CCBE1: variants seen among roughly 807,000 people sequenced by gnomAD.
The protein encoded by CCBE1 is collagen and calcium binding EGF domains 1, also known as collagen and calcium-binding EGF domain-containing protein 1.
In CCBE1, 37 loss-of-function variants were observed where a neutral mutation model predicts 50.0. That is an observed-to-expected ratio of 0.74 (90% confidence interval 0.57 to 0.97). CCBE1 has a LOEUF of 0.97. Among genes scored for constraint, CCBE1 ranks in the 50% least tolerant of loss-of-function variants. CCBE1 has a pLI of 0.00. For synonymous variants in CCBE1, 234 were observed against 203.7 expected (o/e 1.15, Z -1.27); for missense variants, 538 against 523.8 (o/e 1.03, Z -0.26).
chr18:59,452,694 T>C (rs1042899895), intron 6 of CCBE1, among the ~76,000 whole-genome samples: 6 of 152,196 alleles, frequency 3.9e-5, no homozygotes, highest in African/African-American at 1.4e-4. Context: ...CGGACGGTTA[T>C]TGCACCTCTC....
At chr18:59,558,076 T>A (rs2052680242) in intron 2 of CCBE1, among the ~76,000 whole-genome samples, 1 of 152,232 alleles carries the variant, frequency 6.6e-6, no homozygotes, top group Admixed American at 6.5e-5. Flanking sequence ...CTCACGTGTA[T>A]CTTATGTCTC....
intron 1 of CCBE1, among the ~76,000 whole-genome samples, chr18:59,696,984 G>A (rs972822400): frequency 6.6e-6 from 1 of 152,214 alleles, no homozygotes; most frequent in African/African-American, 2.4e-5. Flanking sequence ...CAGGAACGCG[G>A]GGCGAAGGGT....
At chr18:59,599,603 T>C (rs987173129) in intron 2 of CCBE1, among the ~76,000 whole-genome samples, 2 of 152,212 alleles carry the variant, frequency 1.3e-5, no homozygotes, top group African/African-American at 4.8e-5. Context: ...TATGGTACAA[T>C]GGCTAAGAGT....
At chr18:59,636,540 A>G (rs1309026242) in intron 2 of CCBE1, among the ~76,000 whole-genome samples, 2 of 152,250 alleles carry the variant, frequency 1.3e-5, no homozygotes, top group South Asian at 2.1e-4. Flanking sequence ...CTTACAGTCA[A>G]AAGTCACAAA....
chr18:59,655,612 A>T (rs536559699), intron 2 of CCBE1, among the ~76,000 whole-genome samples: 42 of 152,344 alleles, frequency 2.8e-4, no homozygotes, highest in Admixed American at 2.0e-3. Context: ...CATGTAAGGA[A>T]GTAGGTGTGG....
intron 2 of CCBE1, among the ~76,000 whole-genome samples, chr18:59,531,381 G>T (rs1319570760): frequency 6.6e-6 from 1 of 151,684 alleles, no homozygotes; most frequent in Non-Finnish European, 1.5e-5. Context: ...CAGTCTTATG[G>T]GCTATCAAAG....
intron 3 of CCBE1, among the ~76,000 whole-genome samples, chr18:59,471,139 G>A (rs1912014310): frequency 6.6e-6 from 1 of 152,216 alleles, no homozygotes; most frequent in South Asian, 2.1e-4. Context: ...CAGCAGCTGG[G>A]AAGGGGAAGA....
At chr18:59,559,825 C>T (rs1234685784) in intron 2 of CCBE1, among the ~76,000 whole-genome samples, 2 of 152,344 alleles carry the variant, frequency 1.3e-5, no homozygotes, top group African/African-American at 2.4e-5. Flanking sequence ...CATGTCTCTC[C>T]CATGCCTGAA....
chr18:59,456,249 G>A (rs1016578603), intron 5 of CCBE1, among the ~76,000 whole-genome samples: 1 of 152,196 alleles, frequency 6.6e-6, no homozygotes, highest in Non-Finnish European at 1.5e-5. Flanking sequence ...CTCACGTAAT[G>A]GATGCTCGAA....
intron 2 of CCBE1, among the ~76,000 whole-genome samples, chr18:59,484,299 G>A (rs1353213186): frequency 6.6e-6 from 1 of 152,176 alleles, no homozygotes; most frequent in African/African-American, 2.4e-5. Flanking sequence ...TTGGATACAA[G>A]GGGGAAAAAC....
At position 59,439,676 on chromosome 18, in the gene CCBE1, C is replaced by T; in HGVS notation, c.915+1G>A. 6.2e-7 allele frequency: 1 copy of T among 1,614,230 alleles called. No individual in the cohort carries two copies. ...AAGTGGATCTCTGATAAGATACTGA[C>T]CACAGGGCCCCTCCGGCCTTGCTTA... On this transcript the variant is annotated splice_donor_variant, in intron 8 of 10. Transcript: ENST00000439986. LOFTEE classifies it high-confidence loss of function.
At position 59,435,757 on chromosome 18, in the gene CCBE1, A is replaced by G; in HGVS notation, c.*151T>C. 1.3e-6 allele frequency: 1 copy of G among 775,214 alleles called. No homozygotes were observed. Among genetic ancestry groups the G allele is most frequent in the East Asian group, 2.4e-5 (1 of 41,112 alleles). The allele number at this position is 775,214 out of a possible 1,614,324, so 48.0% of individuals were successfully genotyped here. A position where few individuals can be genotyped will look rare whatever the true frequency, so the allele number is the denominator to read the frequency against. On this transcript the variant is annotated 3_prime_UTR_variant, in exon 11 of 11. Transcript: ENST00000439986. ...GAGGGGACTCTGAAAATAGCATCGT[A>G]TTTGGAAGAAGAGGAGTGGAGAGAC...
At chr18:59,480,506 T>G (rs999016533) in intron 2 of CCBE1, among the ~76,000 whole-genome samples, 2 of 152,158 alleles carry the variant, frequency 1.3e-5, no homozygotes, top group East Asian at 3.8e-4. Flanking sequence ...TAACTCCGAC[T>G]TCAAGATACT....
intron 2 of CCBE1, among the ~76,000 whole-genome samples, chr18:59,536,024 G>C (rs184621212): frequency 1.4e-4 from 22 of 152,192 alleles, no homozygotes; most frequent in African/African-American, 4.6e-4. Flanking sequence ...AGAAACAAAG[G>C]CTTCAATTTT....
intron 7 of CCBE1, among the ~76,000 whole-genome samples, chr18:59,440,031 T>TAC (rs1328238868): frequency 6.6e-6 from 1 of 152,198 alleles, no homozygotes; most frequent in Non-Finnish European, 1.5e-5. Context: ...CTGCCAGTCA[T>TAC]ACATCCACTC....
At chr18:59,626,416 G>A (rs944839420) in intron 2 of CCBE1, among the ~76,000 whole-genome samples, 1 of 152,200 alleles carries the variant, frequency 6.6e-6, no homozygotes, top group Non-Finnish European at 1.5e-5. Flanking sequence ...TTCAGGGGCA[G>A]GAGGGTGAGG....
chr18:59,543,466 T>C (rs1005591655), intron 2 of CCBE1, among the ~76,000 whole-genome samples: 7 of 152,194 alleles, frequency 4.6e-5, no homozygotes, highest in Admixed American at 4.6e-4. Context: ...AGGTAAGCTG[T>C]GCAACTTAGA....
chr18:59,693,984 G>A (rs374678561), intron 2 of CCBE1, among the ~76,000 whole-genome samples: 3 of 137,424 alleles, frequency 2.2e-5, no homozygotes, highest in South Asian at 2.3e-4. Flanking sequence ...CTATTCTCCT[G>A]CCTCAGCCTC....
intron 10 of CCBE1, 119 bp from the exon 11 acceptor site, chr18:59,436,260 G>T: frequency 1.1e-6 from 1 of 870,176 alleles, no homozygotes; most frequent in Non-Finnish European, 1.9e-6. Context: ...TGCCCCAAAT[G>T]GAGCCAATGT....
Sources: gnomAD v4.1 joint callset for allele counts (sites outside exome capture counted in the v4.1 genomes callset) on GRCh38, gnomAD v4.1.1 for gene constraint, MANE v1.5 for transcripts, NCBI Gene and HGNC (gene_info 2026-07-23, HGNC 2026-07-21) for gene names.